The following CALN1 variants were observed in gnomAD, a reference collection of about 807,000 sequenced individuals.
CALN1 encodes calneuron 1.
CALN1 carries 17 observed loss-of-function variants against 30.6 expected under a neutral mutation model. The ratio of observed to expected loss-of-function variants is 0.56; its 90% CI spans 0.38 to 0.83. CALN1 has a LOEUF of 0.83. Among genes scored for constraint, CALN1 ranks in the 40% least tolerant of loss-of-function variants. The probability of loss-of-function intolerance (pLI) is 0.00; values close to 1 mark genes in which losing one functional copy is unlikely to be tolerated. For synonymous variants in CALN1, 156 were observed against 131.4 expected (o/e 1.19, Z -1.28); for missense variants, 291 against 354.9 (o/e 0.82, Z 1.45).
At chr7:71,911,172 A>C (rs2117001128) in intron 5 of CALN1, among the ~76,000 whole-genome samples, 1 of 152,264 alleles carries the variant, frequency 6.6e-6, no homozygotes, top group Middle Eastern at 3.4e-3. Flanking sequence ...ACAAGCACAA[A>C]CCCTGTATTT....
intron 6 of CALN1, among the ~76,000 whole-genome samples, chr7:71,800,972 C>T (rs1047467344): frequency 6.6e-6 from 1 of 152,066 alleles, no homozygotes. Flanking sequence ...CCTCCCATTG[C>T]CCCCTGACAG....
chr7:72,194,572 G>A (rs1790851570), intron 3 of CALN1, among the ~76,000 whole-genome samples: 1 of 151,234 alleles, frequency 6.6e-6, no homozygotes, highest in Non-Finnish European at 1.5e-5. Context: ...TTGGGCAGAA[G>A]GGGATCTCCT....
intron 3 of CALN1, among the ~76,000 whole-genome samples, chr7:72,213,718 C>T (rs916385079): frequency 2.6e-5 from 4 of 152,150 alleles, no homozygotes; most frequent in Non-Finnish European, 5.9e-5. Flanking sequence ...AGTGTTGCCA[C>T]AAGGCTCTGT....
chr7:72,042,271 C>G (rs146873961), intron 4 of CALN1, among the ~76,000 whole-genome samples: 2 of 152,202 alleles, frequency 1.3e-5, no homozygotes, highest in Non-Finnish European at 2.9e-5. Context: ...GGTACAAGTC[C>G]TCCCAAGACT....
At chr7:71,796,517 G>A (rs1475608531) in intron 6 of CALN1, among the ~76,000 whole-genome samples, 8 of 151,644 alleles carry the variant, frequency 5.3e-5, no homozygotes, top group Non-Finnish European at 7.4e-5. Context: ...CCGCCACCAC[G>A]CCCGGCTAAT....
At chr7:72,396,756 A>C (rs961624411) in intron 2 of CALN1, among the ~76,000 whole-genome samples, 2 of 152,172 alleles carry the variant, frequency 1.3e-5, no homozygotes, top group Admixed American at 6.5e-5. Context: ...CACCATTCTT[A>C]AGACAAGTGA....
intron 6 of CALN1, among the ~76,000 whole-genome samples, chr7:71,806,190 T>C (rs1379649734): frequency 6.7e-6 from 1 of 149,708 alleles, no homozygotes; most frequent in African/African-American, 2.5e-5. Flanking sequence ...CCTGCACATG[T>C]ACCCCAAAAC....
intron 5 of CALN1, among the ~76,000 whole-genome samples, chr7:71,908,127 T>A (rs1405976280): frequency 6.6e-6 from 1 of 152,168 alleles, no homozygotes; most frequent in African/African-American, 2.4e-5. Flanking sequence ...ACTTCACACC[T>A]CCAGTGAGCT....
intron 3 of CALN1, among the ~76,000 whole-genome samples, chr7:72,183,289 G>T (rs1213230919): frequency 6.6e-6 from 1 of 152,104 alleles, no homozygotes; most frequent in Non-Finnish European, 1.5e-5. Context: ...GGAAATCTAT[G>T]TTTTTTAAAA....
chr7:72,208,082 A>C (rs1041344253), intron 3 of CALN1, among the ~76,000 whole-genome samples: 1 of 152,234 alleles, frequency 6.6e-6, no homozygotes, highest in African/African-American at 2.4e-5. Flanking sequence ...TAAATGAAAA[A>C]TTCACATTTT....
chr7:72,368,793 AGAATG>A (rs940132768), intron 2 of CALN1, among the ~76,000 whole-genome samples: 43 of 149,656 alleles, frequency 2.9e-4, no homozygotes, highest in African/African-American at 1.0e-3. Flanking sequence ...ACCATCACAG[AGAATG>A]GTTTGAAACC....
chr7:71,785,038 T>A lies in CALN1; in HGVS notation c.*2737A>T, dbSNP rs536537298. 57 of 395,582 alleles carry A rather than the reference T, an allele frequency of 1.4e-4. No homozygotes were observed. Among genetic ancestry groups the A allele is most frequent in the African/African-American group, 1.1e-3 (54 of 48,692 alleles). The allele number at this position is 395,582 out of a possible 1,614,324, so 24.5% of individuals were successfully genotyped here. A position where few individuals can be genotyped will look rare whatever the true frequency, so the allele number is the denominator to read the frequency against. ...GTCACCGGGACAAACTCTGAGCTCC[T>A]GAAGTCTAAGGAATGCCGCTAGCTC... On this transcript the variant is annotated 3_prime_UTR_variant, in exon 7 of 7. Transcript: ENST00000395275.
Position 72,206,280 on chromosome 7 carries a change from T to TA in CALN1, c.244+72405dup, listed in dbSNP as rs569226583. Among the ~76,000 whole-genome samples, 421 of 152,342 alleles carry TA rather than the reference T, an allele frequency of 2.8e-3. 2 individuals are homozygous for TA. The highest frequency in any genetic ancestry group is 9.6e-3 in the African/African-American group (400 of 41,580). On this transcript the variant is annotated intron_variant, in intron 3 of 6. Transcript: ENST00000395275. ...TGTTTTGGCCTCTTCTTCGAAAATA[T>TA]AAATGGTCCCTCTGTTGGATCTTTG...
chr7:72,241,971 G>C (rs1307246611), intron 3 of CALN1, among the ~76,000 whole-genome samples: 1 of 152,070 alleles, frequency 6.6e-6, no homozygotes, highest in Non-Finnish European at 1.5e-5. Context: ...TCCATCCTCA[G>C]GACTTTTTCA....
At chr7:72,091,740 C>T (rs1054550694) in intron 4 of CALN1, among the ~76,000 whole-genome samples, 3 of 152,130 alleles carry the variant, frequency 2.0e-5, no homozygotes, top group African/African-American at 7.2e-5. Flanking sequence ...GATGCCGTAC[C>T]CAGAGGGGAT....
chr7:72,498,810 CATT>C, the CALN1 span, among the ~76,000 whole-genome samples: 19,907 of 151,796 alleles, frequency 0.13, 1,404 homozygotes, highest in Non-Finnish European at 0.15. Flanking sequence ...ACTCATTCCT[CATT>C]ATGATAAATA....
At chr7:71,979,869 C>CTTTTTT (rs555621436) in intron 5 of CALN1, among the ~76,000 whole-genome samples, 5 of 89,692 alleles carry the variant, frequency 5.6e-5, no homozygotes, top group South Asian at 4.4e-4. Flanking sequence ...CATCAGGATT[C>CTTTTTT]TTTTTTTTTT....
At chr7:72,169,892 C>T (rs1331290417) in intron 3 of CALN1, among the ~76,000 whole-genome samples, 1 of 151,664 alleles carries the variant, frequency 6.6e-6, no homozygotes, top group East Asian at 2.0e-4. Flanking sequence ...AGGGTGTTGC[C>T]ATATTGGCCA....
chr7:71,917,268 G>A (rs954407135), intron 5 of CALN1, among the ~76,000 whole-genome samples: 2 of 152,300 alleles, frequency 1.3e-5, no homozygotes, highest in Non-Finnish European at 2.9e-5. Flanking sequence ...AGGTCAAAGG[G>A]TGGTAGAAAT....
Sources: gnomAD v4.1 joint callset for allele counts (sites outside exome capture counted in the v4.1 genomes callset) on GRCh38, gnomAD v4.1.1 for gene constraint, MANE v1.5 for transcripts, NCBI Gene and HGNC (gene_info 2026-07-23, HGNC 2026-07-21) for gene names.